The following BIRC6 variants were observed in gnomAD, a reference collection of about 807,000 sequenced individuals.
BIRC6 encodes the protein baculoviral IAP repeat containing 6.
A neutral mutation model predicts 503.3 loss-of-function variants in BIRC6; 98 were observed. The ratio of observed to expected loss-of-function variants is 0.19; its 90% CI spans 0.17 to 0.23. BIRC6 has a LOEUF of 0.23. Among genes scored for constraint, BIRC6 ranks in the 10% least tolerant of loss-of-function variants. BIRC6 has a pLI of 1.00. For synonymous variants in BIRC6, 2,240 were observed against 2,078.7 expected, an observed-to-expected ratio of 1.08 and a Z score of -2.11; for missense variants, 5,360 against 5,806.0, an observed-to-expected ratio of 0.92 and a Z score of 2.50.
chr2:32,539,027 TAA>T (rs1267897906), intron 61 of BIRC6, among the ~76,000 whole-genome samples: 1 of 152,218 alleles, frequency 6.6e-6, no homozygotes, highest in Non-Finnish European at 1.5e-5. Flanking sequence ...ATATGCTGCC[TAA>T]AAGAGATGTG....
intron 5 of BIRC6, among the ~76,000 whole-genome samples, chr2:32,394,952 C>T (rs952161498): frequency 2.0e-5 from 3 of 152,144 alleles, no homozygotes; most frequent in African/African-American, 7.2e-5. Context: ...AGATTGAGAC[C>T]ATCCTGGCTA....
At chr2:32,465,749 AGT>A (rs2048475547) in intron 26 of BIRC6, among the ~76,000 whole-genome samples, 1 of 152,244 alleles carries the variant, frequency 6.6e-6, no homozygotes, top group Admixed American at 6.5e-5. Context: ...CTTTAGCAGC[AGT>A]AGAATTCAAC....
chr2:32,614,673 A>C (rs1021761341), intron 73 of BIRC6, among the ~76,000 whole-genome samples: 1 of 151,994 alleles, frequency 6.6e-6, no homozygotes, highest in African/African-American at 2.4e-5. Flanking sequence ...ATTAAAAGAA[A>C]ATACAAAAAT....
chr2:32,529,953 A>T, intron 60 of BIRC6, 129 bp downstream of exon 60: 1 of 538,842 alleles, frequency 1.9e-6, no homozygotes, highest in Non-Finnish European at 2.8e-6. Context: ...TTATGACTGA[A>T]TTTTTGTAAA....
chr2:32,533,442 T>A (rs1435338589), intron 61 of BIRC6, among the ~76,000 whole-genome samples: 1 of 152,196 alleles, frequency 6.6e-6, no homozygotes, highest in Admixed American at 6.5e-5. Context: ...AGAGAAGAAC[T>A]GTTGAAAAAC....
At chr2:32,454,501 A>G (rs1038244070) in intron 23 of BIRC6, among the ~76,000 whole-genome samples, 3 of 151,146 alleles carry the variant, frequency 2.0e-5, no homozygotes, top group Admixed American at 6.6e-5. Flanking sequence ...CTTCTCACGT[A>G]GGAAGATCGG....
At chr2:32,380,698 A>G (rs943164465) in intron 3 of BIRC6, among the ~76,000 whole-genome samples, 7 of 152,210 alleles carry the variant, frequency 4.6e-5, no homozygotes, top group African/African-American at 1.7e-4. Flanking sequence ...ACTGCACTAC[A>G]GCCTGGGGGA....
In BIRC6 at chr2:32,453,894, A is replaced by T. The variant is rs200937433; in HGVS notation, c.4705A>T (p.Thr1569Ser). The change falls in exon 23 of 74, where the codon ACT becomes TCT. Residue 1569 changes from threonine to serine, a missense_variant. This residue lies in a region of BIRC6 where 2,299 missense variants were observed against 2,267.2 expected (regional missense o/e 1.01). Coordinates refer to ENST00000421745, the MANE Select transcript of BIRC6 (RefSeq NM_016252.4). Reference sequence around the variant, plus strand: ...TTTGGAAGTTGAACCTCTGCACTTTACTTGTGTGTCAACTAGTGATGGAAC... The same window carrying T: ...TTTGGAAGTTGAACCTCTGCACTTTTCTTGTGTGTCAACTAGTGATGGAAC... Reference protein sequence around the residue: ...GLLEVEPLHFTCVSTSDGTRI... With the variant: ...GLLEVEPLHFSCVSTSDGTRI... 8.7e-6 allele frequency: 14 copies of T among 1,613,526 alleles called. No homozygotes were observed. The Admixed American group carries it at 2.3e-4, about 27-fold the overall frequency.
chr2:32,442,148 A>T lies in BIRC6; in HGVS notation c.4028A>T (p.Gln1343Leu), dbSNP rs72867263. The T allele has an allele frequency of 1.7e-3, 2,692 of 1,610,578 alleles. 39 individuals are homozygous for T. In the African/African-American group the frequency reaches 0.032, roughly 19 times the overall value. ...NTLCRKTDDG[Q>L]ITEHAQSLVL... The stretch of plus-strand genomic sequence containing the variant: ...CTTTGCAGAAAAACAGATGATGGCC[A>T]GATCACAGAACATGCCCAGAGCCTT... Residue 1343 changes from glutamine (Q) to leucine (L), a missense_variant, in exon 18 of 74, where the codon CAG becomes CTG. Coordinates refer to ENST00000421745, the MANE Select transcript of BIRC6 (RefSeq NM_016252.4).
intron 63 of BIRC6, among the ~76,000 whole-genome samples, chr2:32,547,492 T>G (rs894664654): frequency 1.3e-5 from 2 of 152,226 alleles, no homozygotes; most frequent in Non-Finnish European, 2.9e-5. Flanking sequence ...TTCTTTCATT[T>G]AGTATAATGT....
intron 42 of BIRC6, 108 bp downstream of exon 42, chr2:32,488,822 G>T: frequency 1.2e-6 from 1 of 805,468 alleles, no homozygotes; most frequent in South Asian, 2.9e-5. Flanking sequence ...TAACATTCTA[G>T]TGGGGAAAAA....
chr2:32,376,001 C>T (rs569756638), intron 1 of BIRC6, among the ~76,000 whole-genome samples: 12 of 151,954 alleles, frequency 7.9e-5, no homozygotes, highest in African/African-American at 1.2e-4. Flanking sequence ...CTGGCTAATA[C>T]GGTGAAACCC....
Position 32,478,685 on chromosome 2 carries a change from G to C in BIRC6, c.7119G>C (p.Glu2373Asp). The change falls in exon 36 of 74, where the codon GAG (glutamate) becomes GAC (aspartate). Residue 2373 changes from glutamate (E) to aspartate (D), a missense_variant. By Grantham distance (45) the Glu-to-Asp change is conservative (BLOSUM62 2). Coordinates refer to ENST00000421745, the MANE Select transcript of BIRC6 (RefSeq NM_016252.4). ...NATRPTIHLC[E>D]IVNEPQLERL... ...CGAGGCCAACTATTCATCTGTGTGA[G>C]ATTGTGAACGAACCCCAGCTGGAAA... 2 of 1,613,980 alleles carry C rather than the reference G, an allele frequency of 1.2e-6. No individual in the cohort carries two copies. The highest frequency in any genetic ancestry group is 1.7e-6 in the Non-Finnish European group (2 of 1,179,880).
In BIRC6 at chr2:32,531,991, G is replaced by C. The variant is rs574205800; in HGVS notation, c.12291+440G>C. On this transcript the variant is annotated intron_variant, in intron 61 of 73. Coordinates refer to ENST00000421745, the MANE Select transcript of BIRC6 (RefSeq NM_016252.4). ...TGGTTTAAAAACATGACCTATTCCC[G>C]TGTTCATTTACGAAGCTGTCAATGT... Among the ~76,000 whole-genome samples, 9 of 152,200 alleles carry C rather than the reference G, an allele frequency of 5.9e-5. No homozygotes were observed. In the East Asian group the frequency reaches 1.5e-3, roughly 26 times the overall value.
At chr2:32,541,545 G>C (rs1048425158) in intron 61 of BIRC6, among the ~76,000 whole-genome samples, 13 of 152,026 alleles carry the variant, frequency 8.6e-5, no homozygotes, top group African/African-American at 3.1e-4. Flanking sequence ...TTACCTATCA[G>C]TCTACTAAAG....
intron 1 of BIRC6, among the ~76,000 whole-genome samples, chr2:32,361,199 T>C (rs1241619417): frequency 6.6e-6 from 1 of 152,154 alleles, no homozygotes; most frequent in African/African-American, 2.4e-5. Flanking sequence ...CCTCCCAAAG[T>C]GTTGGGATTA....
At position 32,441,565 on chromosome 2, in the gene BIRC6, T is replaced by G. The variant is rs1399817241; in HGVS notation, c.3944+103T>G. The G allele has an allele frequency of 2.7e-6, 3 of 1,108,710 alleles. No individual in the cohort carries two copies. In the African/African-American group the frequency reaches 4.7e-5, roughly 17 times the overall value. The allele number at this position is 1,108,710 out of a possible 1,614,324, so 68.7% of individuals were successfully genotyped here. A position where few individuals can be genotyped will look rare whatever the true frequency, so the allele number is the denominator to read the frequency against. On this transcript the variant is annotated intron_variant, in intron 17 of 73. Transcript: ENST00000421745. ...ATAAAAAATCTTTTACCTGAAAATT[T>G]TTTTTGTCCATTTTTCTTAAATAAT...
chr2:32,541,320 C>G (rs1004374990), intron 61 of BIRC6, among the ~76,000 whole-genome samples: 2 of 152,052 alleles, frequency 1.3e-5, no homozygotes, highest in African/African-American at 4.8e-5. Context: ...TATTGTCATT[C>G]TGGCCTAAGC....
chr2:32,549,210 T>C (rs2058271078), intron 64 of BIRC6, 103 bp from the exon 65 acceptor site: 2 of 752,164 alleles, frequency 2.7e-6, no homozygotes, highest in Non-Finnish European at 3.9e-6. Context: ...ACTGATTAAG[T>C]AGAAAATATG....
Sources: allele counts gnomAD v4.1 joint callset (sites outside exome capture counted in the v4.1 genomes callset), GRCh38; gene constraint gnomAD v4.1.1; regional missense constraint gnomAD v4.1.1; transcripts MANE v1.5; gene names NCBI Gene and HGNC (gene_info 2026-07-23, HGNC 2026-07-21).